Variants in ZNF37A observed in about 807,000 individuals in gnomAD.
ZNF37A encodes zinc finger protein 37A, also known as zinc finger protein 37a (KOX 21).
ZNF37A carries 10 observed loss-of-function variants against 12.3 expected under a neutral mutation model. That is an observed-to-expected ratio of 0.82 (90% CI 0.50 to 1.38). The LOEUF is 1.38. Among genes scored for constraint, ZNF37A ranks in the 40% most tolerant of loss-of-function variants. The pLI, the probability that ZNF37A is intolerant of heterozygous loss-of-function variation, is 0.00. For missense variants in ZNF37A, 580 were observed against 651.2 expected (o/e 0.89, Z 1.19); for synonymous variants, 207 against 223.0 (o/e 0.93, Z 0.64).
downstream of ZNF37A, chr10:38,125,687 C>T (rs2069914441): frequency 6.6e-6 from 1 of 152,148 alleles, no homozygotes; most frequent in Non-Finnish European, 1.5e-5. Context: ...GAAACCAGCT[C>T]AATTTTCCTA....
rs1564932263 is a variant in ZNF37A at position 38,112,773 on chromosome 10, T to TGG, written c.16-1982_16-1981insGG. On this transcript the variant is annotated intron_variant, in intron 5 of 7. Transcript: ENST00000685332. ...TTCTTTTCTTTTCTTTTCTTTTCTT[T>TGG]TCTTTTCTTTTCTTTTCTTTTCTTG... Among the ~76,000 whole-genome samples, 20 of 65,632 alleles carry TGG rather than the reference T, an allele frequency of 3.0e-4. 5 individuals are homozygous for TGG. Among genetic ancestry groups the TGG allele is most frequent in the East Asian group, 5.9e-4 (1 of 1,682 alleles). The allele number at this position is 65,632 out of a possible 152,430, so 43.1% of individuals were successfully genotyped here.
chr10:38,136,131 A>C (rs1183198428), intron 7 of ZNF37A, among the ~76,000 whole-genome samples: 2 of 152,102 alleles, frequency 1.3e-5, no homozygotes, highest in African/African-American at 2.4e-5. Flanking sequence ...TCATCAAGTA[A>C]AAATTTTTCA....
In ZNF37A at chr10:38,112,792, T is replaced by TGG. The variant is rs1276583098; in HGVS notation, c.16-1963_16-1962insGG. On this transcript the variant is annotated intron_variant, in intron 5 of 7. Coordinates refer to ENST00000685332, the MANE Select transcript of ZNF37A (RefSeq NM_001324250.3). ...TTTCTTTTCTTTTCTTTTCTTTTCT[T>TGG]TTCTTGTCTTGTCTTGTCTTCTTTT... is the stretch of plus-strand genomic sequence containing the variant. Among the ~76,000 whole-genome samples, 56 of 58,440 alleles carry TGG rather than the reference T, an allele frequency of 9.6e-4. 5 individuals are homozygous for TGG. The highest frequency in any genetic ancestry group is 1.2e-3 in the Non-Finnish European group (32 of 25,814). The allele number at this position is 58,440 out of a possible 152,430, so 38.3% of individuals were successfully genotyped here.
chr10:38,110,012 C>G (rs2068497630), intron 5 of ZNF37A, among the ~76,000 whole-genome samples: 1 of 151,978 alleles, frequency 6.6e-6, no homozygotes, highest in South Asian at 2.1e-4. Flanking sequence ...TATATGGAAC[C>G]AAAAAAGAGC....
At chr10:38,142,294 A>C (rs2070194490) in intron 7 of ZNF37A, 1 of 152,222 alleles carries the variant, frequency 6.6e-6, no homozygotes, top group African/African-American at 2.4e-5. Context: ...GACCCCAGGA[A>C]GAACAAAAAA....
Position 38,118,135 on chromosome 10 carries a change from A to T in ZNF37A, c.984A>T (p.Gly328=). Residue 328 remains glycine, a synonymous_variant, in exon 8 of 8, where the codon GGA becomes GGT. Transcript: ENST00000685332. ...QRIHTGERPY[G]CHECGKSFSE... is the part of the protein sequence containing the mutation. ...TTCATACAGGGGAGAGACCTTATGGATGTCATGAATGTGGGAAATCCTTCA... is the reference window on the plus strand; with the variant it reads ...TTCATACAGGGGAGAGACCTTATGGTTGTCATGAATGTGGGAAATCCTTCA... 1 of 1,613,994 alleles carries T rather than the reference A, an allele frequency of 6.2e-7. No individual in the cohort carries two copies. Among genetic ancestry groups the T allele is most frequent in the South Asian group, 1.1e-5 (1 of 91,078 alleles).
chr10:38,116,087 T>C (rs1260004350), intron 7 of ZNF37A, among the ~76,000 whole-genome samples: 1 of 152,028 alleles, frequency 6.6e-6, no homozygotes, highest in East Asian at 1.9e-4. Context: ...TAAAAAGCAA[T>C]TAAAATTAAA....
rs749477615 is a variant in ZNF37A, at chr10:38,119,480, T to C, written c.*643T>C. On this transcript the variant is annotated 3_prime_UTR_variant, in exon 8 of 8. Coordinates refer to ENST00000685332, the MANE Select transcript of ZNF37A (RefSeq NM_001324250.3). ...AGATAGTAGAGAAAGTATTTTTAACTGTATCCAATGTGTGGATGTTTTAAG... is the reference window on the plus strand; with the variant it reads ...AGATAGTAGAGAAAGTATTTTTAACCGTATCCAATGTGTGGATGTTTTAAG... The C allele has an allele frequency of 4.1e-4, 338 of 816,644 alleles. 1 individual carries two copies. Among genetic ancestry groups the C allele is most frequent in the Non-Finnish European group, 4.8e-4 (324 of 676,138 alleles). 50.6% of individuals were successfully genotyped at this position (816,644 alleles called of 1,614,324 possible).
In ZNF37A at chr10:38,118,409, T is replaced by C. The variant is rs762372796; in HGVS notation, c.1258T>C (p.Phe420Leu). ...TGAATGTAATGAATGTGGGAAGTCA[T>C]TCTCTGAGAAGTCAACCCTTACTAA... ...PYECNECGKS[F>L]SEKSTLTKHL... is the part of the protein sequence containing the mutation. The change falls in exon 8 of 8, where the codon TTC (phenylalanine) becomes CTC (leucine). Residue 420 changes from phenylalanine to leucine, a missense_variant. Coordinates refer to ENST00000685332, the MANE Select transcript of ZNF37A (RefSeq NM_001324250.3). The C allele has an allele frequency of 6.2e-7, 1 of 1,613,968 alleles. No individual in the cohort carries two copies. Among genetic ancestry groups the C allele is most frequent in the Non-Finnish European group, 8.5e-7 (1 of 1,179,992 alleles).
At chr10:38,130,222 G>T (rs2070003202), downstream of ZNF37A, among the ~76,000 whole-genome samples, 1 of 152,112 alleles carries the variant, frequency 6.6e-6, no homozygotes, top group Admixed American at 6.5e-5. Flanking sequence ...AATTTTTATG[G>T]CTGAATAATG....
intron 6 of ZNF37A, 113 bp from the exon 7 acceptor site, chr10:38,115,066 AGTGTGTGTGTGTGTGT>A (rs56124182): frequency 0.018 from 10,881 of 620,958 alleles, 380 homozygotes; most frequent in East Asian, 0.083. Flanking sequence ...GATTAAATGA[AGTGTGTGTGTGTGTGT>A]GTGTGTGTGT....
chr10:38,121,869 G>T lies in ZNF37A; in HGVS notation c.*3032G>T, dbSNP rs560225271. ...CCTAAATACTATCCACAAAAAAGGGGAACAGGGATGATTCCTAGTCAGAGA... is the reference window on the plus strand; with the variant it reads ...CCTAAATACTATCCACAAAAAAGGGTAACAGGGATGATTCCTAGTCAGAGA... On this transcript the variant is annotated 3_prime_UTR_variant, in exon 8 of 8. Coordinates refer to ENST00000685332, the MANE Select transcript of ZNF37A (RefSeq NM_001324250.3). 1 of 152,186 alleles carries T rather than the reference G, an allele frequency of 6.6e-6. No homozygotes were observed. Among genetic ancestry groups the T allele is most frequent in the East Asian group, 1.9e-4 (1 of 5,178 alleles). The allele number at this position is 152,186 out of a possible 1,614,324, so 9.4% of individuals were successfully genotyped here. A position where few individuals can be genotyped will look rare whatever the true frequency, so the allele number is the denominator to read the frequency against.
exon 8 of ZNF37A, chr10:38,147,607 T>G (rs2070270971): frequency 6.6e-6 from 1 of 152,222 alleles, no homozygotes; most frequent in Admixed American, 6.5e-5. Context: ...GTTAAAACAT[T>G]CTTCCCTGAA....
chr10:38,143,779 T>C (rs976687693), intron 7 of ZNF37A: 1 of 152,148 alleles, frequency 6.6e-6, no homozygotes, highest in Non-Finnish European at 1.5e-5. Flanking sequence ...GTCCGCAGAG[T>C]GTGGCCAGTT....
intron 4 of ZNF37A, among the ~76,000 whole-genome samples, 198 bp downstream of exon 4, chr10:38,096,002 T>C (rs1033872106): frequency 6.6e-6 from 1 of 151,854 alleles, no homozygotes; most frequent in African/African-American, 2.4e-5. Context: ...CTGGCCAACA[T>C]GGTGAAACCC....
intron 5 of ZNF37A, among the ~76,000 whole-genome samples, chr10:38,107,480 G>T (rs1439632455): frequency 6.6e-6 from 1 of 152,122 alleles, no homozygotes; most frequent in African/African-American, 2.4e-5. Context: ...GCATCATAAC[G>T]ACAGGATCAG....
intron 5 of ZNF37A, among the ~76,000 whole-genome samples, chr10:38,100,508 C>T (rs1005127778): frequency 7.2e-5 from 11 of 152,172 alleles, no homozygotes; most frequent in Admixed American, 7.2e-4. Flanking sequence ...AGGGATGTTC[C>T]TTGCTGAGAA....
chr10:38,112,740 CTTTTCT>C (rs1564931806), intron 5 of ZNF37A, among the ~76,000 whole-genome samples: 2 of 22,358 alleles, frequency 8.9e-5, no homozygotes, highest in Non-Finnish European at 1.8e-4. Flanking sequence ...ATTTTCTTTT[CTTTTCT>C]TTTCTTTTCT....
At chr10:38,140,141 C>G (rs2070162014) in intron 7 of ZNF37A, 1 of 152,188 alleles carries the variant, frequency 6.6e-6, no homozygotes, top group South Asian at 2.1e-4. Context: ...ACAGGTTTGT[C>G]AAACACTACC....
Sources: allele counts gnomAD v4.1 joint callset (sites outside exome capture counted in the v4.1 genomes callset), GRCh38; gene constraint gnomAD v4.1.1; transcripts MANE v1.5; gene names NCBI Gene and HGNC (gene_info 2026-07-23, HGNC 2026-07-21).